Variants in KDELR1 observed in about 807,000 individuals in gnomAD.
KDELR1 encodes KDEL endoplasmic reticulum protein retention receptor 1.
KDELR1 carries 16 observed loss-of-function variants against 25.5 expected under a neutral mutation model. The ratio of observed to expected loss-of-function variants is 0.63; its 90% confidence interval spans 0.43 to 0.95. The LOEUF is 0.95. Among genes scored for constraint, KDELR1 ranks in the 40% least tolerant of loss-of-function variants. KDELR1 has a pLI of 0.00. For missense variants in KDELR1, 159 were observed against 265.2 expected (o/e 0.60, Z 2.78); for synonymous variants, 121 against 115.0 (o/e 1.05, Z -0.33).
At chr19:48,385,526 C>T (rs1367869880) in intron 3 of KDELR1, among the ~76,000 whole-genome samples, 1 of 152,208 alleles carries the variant, frequency 6.6e-6, no homozygotes, top group African/African-American at 2.4e-5. Context: ...GCACAGGCCA[C>T]CATTTAGGGA....
chr19:48,389,552 C>T lies in KDELR1; in HGVS notation c.351+1G>A. On this transcript the variant is annotated splice_donor_variant, in intron 3 of 4. Transcript: ENST00000330720. LOFTEE classifies it high-confidence loss of function. ...ATAAGGAGTCACAGCAAGGCGCCTA[C>T]CTCCAGAGGGGTGAAGTCATGATTG... 6.2e-7 allele frequency: 1 copy of T among 1,614,030 alleles called. No individual in the cohort carries two copies.
At position 48,390,477 on chromosome 19, in the gene KDELR1, G is replaced by C; in HGVS notation, c.139C>G (p.Arg47Gly). The change falls in exon 2 of 5, where the codon CGA (arginine) becomes GGA (glycine). Residue 47 changes from arginine to glycine, a missense_variant. Coordinates refer to ENST00000330720, the MANE Select transcript of KDELR1 (RefSeq NM_006801.3). ...QVLFAVVFTA[R>G]YLDLFTNYIS... ...TAGTTGGTGAAGAGGTCCAGATATC[G>C]GGCAGTGAACACCACAGCAAACAGG... The C allele has an allele frequency of 2.5e-6, 4 of 1,614,020 alleles. No homozygotes were observed. The highest frequency in any genetic ancestry group is 3.4e-6 in the Non-Finnish European group (4 of 1,179,946).
rs968556869 is a variant in KDELR1, at chr19:48,391,482, C to T, written c.-124G>A. On this transcript the variant is annotated 5_prime_UTR_variant, in exon 1 of 5. Coordinates refer to ENST00000330720, the MANE Select transcript of KDELR1 (RefSeq NM_006801.3). ...ACGGAAGAGGGACCCTAGGTGCGCT[C>T]CGCTCCGGGGAGGGGACTTTGGGAG... The T allele has an allele frequency of 2.8e-5, 20 of 726,266 alleles. No individual in the cohort carries two copies. Among genetic ancestry groups the T allele is most frequent in the Non-Finnish European group, 4.5e-5 (19 of 426,406 alleles). 45.0% of individuals were successfully genotyped at this position (726,266 alleles called of 1,614,324 possible).
Position 48,384,591 on chromosome 19 carries a change from A to G in KDELR1, c.352-109T>C. 7.3e-7 allele frequency: 1 copy of G among 1,374,206 alleles called. No individual in the cohort carries two copies. Among genetic ancestry groups the G allele is most frequent in the East Asian group, 2.5e-5 (1 of 39,736 alleles). 85.1% of individuals were successfully genotyped at this position (1,374,206 alleles called of 1,614,324 possible). A position where few individuals can be genotyped will look rare whatever the true frequency, so the allele number is the denominator to read the frequency against. On this transcript the variant is annotated intron_variant, in intron 3 of 4. Transcript: ENST00000330720. This position sits in a 1 kb window ranked among gnomAD's most constrained non-coding sequence, Gnocchi z 4.6. Reference sequence around the variant, plus strand: ...CGCGAAGGTGGAGAGAAGGAAGGTGATCCAGGTGCTGCCAAGTGCCAGACA... The same window carrying G: ...CGCGAAGGTGGAGAGAAGGAAGGTGGTCCAGGTGCTGCCAAGTGCCAGACA...
In KDELR1 at chr19:48,384,148, G is replaced by A. The variant is rs776110612; in HGVS notation, c.604+82C>T. 1.4e-4 allele frequency: 211 copies of A among 1,539,510 alleles called. No individual in the cohort carries two copies. Among genetic ancestry groups the A allele is most frequent in the Admixed American group, 2.8e-4 (16 of 57,456 alleles). ...TGCTCCCTTCTTTGCATAATACAGG[G>A]GTAAGGAGACCCCAGTCCCCAGGGA... On this transcript the variant is annotated intron_variant, in intron 4 of 4. Coordinates refer to ENST00000330720, the MANE Select transcript of KDELR1 (RefSeq NM_006801.3). This position sits in a 1 kb window ranked among gnomAD's most constrained non-coding sequence, Gnocchi z 4.6.
At chr19:48,385,522 G>A (rs891360764) in intron 3 of KDELR1, among the ~76,000 whole-genome samples, 3 of 152,206 alleles carry the variant, frequency 2.0e-5, no homozygotes, top group African/African-American at 7.2e-5. Context: ...CTCAGCACAG[G>A]CCACCATTTA....
rs1367360009 is a variant in KDELR1 at position 48,384,090 on chromosome 19, T to C, written c.604+140A>G. 2.0e-6 allele frequency: 2 copies of C among 1,022,492 alleles called. No individual in the cohort carries two copies. Among genetic ancestry groups the C allele is most frequent in the Non-Finnish European group, 2.8e-6 (2 of 704,198 alleles). 63.3% of individuals were successfully genotyped at this position (1,022,492 alleles called of 1,614,324 possible). A position where few individuals can be genotyped will look rare whatever the true frequency, so the allele number is the denominator to read the frequency against. On this transcript the variant is annotated intron_variant, in intron 4 of 4. Coordinates refer to ENST00000330720, the MANE Select transcript of KDELR1 (RefSeq NM_006801.3). The surrounding 1 kb of genome is among the most constrained non-coding windows in gnomAD (Gnocchi z 4.6). ...ACGGTCTGAATTCCTAGGAGGATGG[T>C]AGGCCTGCCACCCCAGAAACCCGGC...
upstream of KDELR1, among the ~76,000 whole-genome samples, chr19:48,393,890 T>C (rs1468995831): frequency 1.3e-5 from 2 of 151,138 alleles, no homozygotes; most frequent in Non-Finnish European, 3.0e-5. This position sits in a 1 kb window ranked among gnomAD's most constrained non-coding sequence, Gnocchi z 5.6. Context: ...TGTGTCCGGG[T>C]GTCTGGGGCT....
chr19:48,393,830 C>G (rs953945564), upstream of KDELR1, among the ~76,000 whole-genome samples: 1 of 151,934 alleles, frequency 6.6e-6, no homozygotes, highest in Non-Finnish European at 1.5e-5. The surrounding 1 kb of genome is among the most constrained non-coding windows in gnomAD (Gnocchi z 5.6). Context: ...TAGGTCGGCC[C>G]GGCCCCCAGG....
upstream of KDELR1, chr19:48,394,990 T>A (rs112904816): frequency 4.1e-3 from 626 of 152,198 alleles, 7 homozygotes; most frequent in African/African-American, 0.014. The surrounding 1 kb of genome is among the most constrained non-coding windows in gnomAD (Gnocchi z 5.1). Flanking sequence ...GACCCCCAAA[T>A]CTAGGACAGA....
At chr19:48,394,016 T>TC (rs1970598243), upstream of KDELR1, among the ~76,000 whole-genome samples, 1 of 151,826 alleles carries the variant, frequency 6.6e-6, no homozygotes, top group Non-Finnish European at 1.5e-5. This position sits in a 1 kb window ranked among gnomAD's most constrained non-coding sequence, Gnocchi z 5.1. Flanking sequence ...TCCCGCTCCT[T>TC]CCCCCCGGCC....
chr19:48,391,475 G>A lies in KDELR1; in HGVS notation c.-117C>T, dbSNP rs556310024. 142 of 762,488 alleles carry A rather than the reference G, an allele frequency of 1.9e-4. No homozygotes were observed. The highest frequency in any genetic ancestry group is 3.0e-4 in the Non-Finnish European group (134 of 453,988). The allele number at this position is 762,488 out of a possible 1,614,324, so 47.2% of individuals were successfully genotyped here. On this transcript the variant is annotated 5_prime_UTR_variant, in exon 1 of 5. Transcript: ENST00000330720. ...TGGGGGGACGGAAGAGGGACCCTAG[G>A]TGCGCTCCGCTCCGGGGAGGGGACT...
At chr19:48,396,184 G>T (rs1156911944), upstream of KDELR1, among the ~76,000 whole-genome samples, 1 of 151,996 alleles carries the variant, frequency 6.6e-6, no homozygotes, top group Non-Finnish European at 1.5e-5. Context: ...GAGGCGGGGG[G>T]AGCGGGGGGT....
At chr19:48,392,456 C>T (rs1380767856), upstream of KDELR1, among the ~76,000 whole-genome samples, 1 of 152,112 alleles carries the variant, frequency 6.6e-6, no homozygotes, top group Non-Finnish European at 1.5e-5. Context: ...CCCTCAGACC[C>T]AGGAGTTCAG....
At chr19:48,391,673 C>G (rs1178564494), upstream of KDELR1, 2 of 404,860 alleles carry the variant, frequency 4.9e-6, no homozygotes, top group Non-Finnish European at 9.2e-6. Flanking sequence ...GCTAAACGCA[C>G]CCCCAAAGCT....
upstream of KDELR1, chr19:48,391,662 C>T (rs1248353580): frequency 1.2e-5 from 5 of 421,304 alleles, no homozygotes; most frequent in Non-Finnish European, 2.2e-5. Context: ...GCCGTGGCGG[C>T]GCTAAACGCA....
At chr19:48,394,553 G>A (rs1442803266), upstream of KDELR1, among the ~76,000 whole-genome samples, 3 of 149,110 alleles carry the variant, frequency 2.0e-5, no homozygotes, top group African/African-American at 4.9e-5. This position sits in a 1 kb window ranked among gnomAD's most constrained non-coding sequence, Gnocchi z 5.1. Flanking sequence ...GGGCTGAAGC[G>A]GCAGAGGGGG....
At chr19:48,386,017 G>C (rs971639765) in intron 3 of KDELR1, among the ~76,000 whole-genome samples, 1 of 151,996 alleles carries the variant, frequency 6.6e-6, no homozygotes, top group Non-Finnish European at 1.5e-5. Context: ...GCTGGGAAAC[G>C]AACCCATTAA....
upstream of KDELR1, among the ~76,000 whole-genome samples, chr19:48,394,643 G>A (rs1970614440): frequency 6.6e-6 from 1 of 152,170 alleles, no homozygotes; most frequent in Admixed American, 6.5e-5. This position sits in a 1 kb window ranked among gnomAD's most constrained non-coding sequence, Gnocchi z 5.1. Flanking sequence ...GCAATGTCCG[G>A]GGCCCAACTT....
Sources: allele counts gnomAD v4.1 joint callset (sites outside exome capture counted in the v4.1 genomes callset), GRCh38; gene constraint gnomAD v4.1.1; non-coding constraint Gnocchi (gnomAD v3.1); transcripts MANE v1.5; gene names NCBI Gene and HGNC (gene_info 2026-07-23, HGNC 2026-07-21).